The following SREK1 variants were observed in gnomAD, a reference collection of about 807,000 sequenced individuals.
The protein encoded by SREK1 is splicing regulatory glutamic acid and lysine rich protein 1.
A neutral mutation model predicts 66.5 loss-of-function variants in SREK1; 13 were observed. That is an observed-to-expected ratio of 0.20 (90% CI 0.13 to 0.31). The LOEUF (loss-of-function observed/expected upper bound fraction) is 0.31. SREK1 is among the 10% of genes least tolerant of loss of function. The pLI, the probability that SREK1 is intolerant of heterozygous loss-of-function variation, is 1.00. For synonymous variants in SREK1, 265 were observed against 263.5 expected (o/e 1.01, Z -0.05); for missense variants, 607 against 769.6 (o/e 0.79, Z 2.50).
At chr5:66,144,871 C>T in intron 1 of SREK1, 1 of 1,030,856 alleles carries the variant, frequency 9.7e-7, no homozygotes, top group Non-Finnish European at 1.2e-6. Flanking sequence ...CGCAGGTGGG[C>T]CCGGAACAGC....
intron 6 of SREK1, 25 bp from the exon 7 acceptor site, chr5:66,164,758 C>T (rs779275798): frequency 7.4e-6 from 12 of 1,613,642 alleles, no homozygotes; most frequent in Non-Finnish European, 5.9e-6. Flanking sequence ...TGAGCTTACA[C>T]TGCAAAGTGA....
intron 1 of SREK1, chr5:66,145,134 T>G: frequency 1.0e-6 from 1 of 985,532 alleles, no homozygotes; most frequent in Non-Finnish European, 1.2e-6. Context: ...GACAGCAGAT[T>G]AAATTTTCCT....
chr5:66,145,472 T>C (rs764485192), intron 1 of SREK1, among the ~76,000 whole-genome samples: 1 of 152,186 alleles, frequency 6.6e-6, no homozygotes, highest in Non-Finnish European at 1.5e-5. Flanking sequence ...GATTTATTTC[T>C]TTAAAAAAAT....
chr5:66,181,390 T>C lies in SREK1; in HGVS notation c.*2522T>C, dbSNP rs1293412455. On this transcript the variant is annotated 3_prime_UTR_variant, in exon 12 of 12. Coordinates refer to ENST00000334121, the MANE Select transcript of SREK1 (RefSeq NM_001077199.3). ...AGCTCATGTTTTCATTTGTTTATTC[T>C]TTTCTTTCAGGGTATTTTGTTTTTT... 6.6e-6 allele frequency: 1 copy of C among 152,242 alleles called. No individual in the cohort carries two copies. Among genetic ancestry groups the C allele is most frequent in the Non-Finnish European group, 1.5e-5 (1 of 68,036 alleles). The allele number at this position is 152,242 out of a possible 1,614,324, so 9.4% of individuals were successfully genotyped here.
Position 66,179,818 on chromosome 5 carries a change from T to A in SREK1, c.*950T>A, listed in dbSNP as rs1341410263. The stretch of plus-strand genomic sequence containing the variant: ...TTTTATATGTGCTAGTCATTCTCAA[T>A]TCATATGGAATCTAGATGGATATTT... On this transcript the variant is annotated 3_prime_UTR_variant, in exon 12 of 12. Transcript: ENST00000334121. The A allele has an allele frequency of 6.6e-6, 1 of 152,524 alleles. No individual in the cohort carries two copies. The highest frequency in any genetic ancestry group is 2.4e-5 in the African/African-American group (1 of 41,430). 9.4% of individuals were successfully genotyped at this position (152,524 alleles called of 1,614,324 possible). A position where few individuals can be genotyped will look rare whatever the true frequency, so the allele number is the denominator to read the frequency against.
chr5:66,170,739 GAAA>G lies in SREK1; in HGVS notation c.1279_1281del (p.Lys427del). 1 of 1,600,608 alleles carries G rather than the reference GAAA, an allele frequency of 6.2e-7. No homozygotes were observed. The highest frequency in any genetic ancestry group is 8.5e-7 in the Non-Finnish European group (1 of 1,173,064). ...GGACAAGGAACGGGAAAAGGACCGGGAAAAAGACAAGGAAAAGGACAGAGAGAG... is the reference window on the plus strand; with the variant it reads ...GGACAAGGAACGGGAAAAGGACCGGGAAGACAAGGAAAAGGACAGAGAGAG... On this transcript the variant is annotated inframe_deletion, in exon 9 of 12. Transcript: ENST00000334121.
chr5:66,173,050 C>T (rs963497417), intron 9 of SREK1, among the ~76,000 whole-genome samples: 1 of 151,752 alleles, frequency 6.6e-6, no homozygotes, highest in Non-Finnish European at 1.5e-5. Flanking sequence ...CCAGGCTGGT[C>T]TCAAACTCCT....
intron 8 of SREK1, 52 bp downstream of exon 8, chr5:66,170,222 G>A: frequency 6.4e-7 from 1 of 1,559,880 alleles, no homozygotes; most frequent in Non-Finnish European, 8.7e-7. Flanking sequence ...AGTTCTGTTA[G>A]TGCTAAGGGA....
chr5:66,162,634 ATTTAAAGTATTTTTGATGTAATGAAGGC>A, intron 5 of SREK1, 42 bp downstream of exon 5: 1 of 1,531,732 alleles, frequency 6.5e-7, no homozygotes. Context: ...ATTTTGAAAC[ATTTAAAGTATTTTTGATGTAATGAAGGC>A]TTTTTTTTTC....
At chr5:66,165,943 A>G (rs904210166) in intron 7 of SREK1, 2 of 152,190 alleles carry the variant, frequency 1.3e-5, no homozygotes, top group Non-Finnish European at 2.9e-5. Context: ...TCTTTCTTAG[A>G]TTCTAGTAAA....
chr5:66,154,624 A>G (rs1207446063), intron 2 of SREK1, among the ~76,000 whole-genome samples: 1 of 152,192 alleles, frequency 6.6e-6, no homozygotes, highest in Non-Finnish European at 1.5e-5. Flanking sequence ...TTATTTCAGA[A>G]TGCCTGTTCT....
At chr5:66,146,056 C>A (rs557690573) in intron 1 of SREK1, among the ~76,000 whole-genome samples, 1 of 152,060 alleles carries the variant, frequency 6.6e-6, no homozygotes, top group East Asian at 1.9e-4. Flanking sequence ...GAGAATACTG[C>A]ATAAGTGCAC....
chr5:66,150,240 C>A (rs1743669372), intron 1 of SREK1, among the ~76,000 whole-genome samples: 1 of 152,144 alleles, frequency 6.6e-6, no homozygotes, highest in Non-Finnish European at 1.5e-5. Flanking sequence ...CGTGCTAAGG[C>A]CTGTGCCAAA....
Position 66,170,637 on chromosome 5 carries a change from GAGAA to G in SREK1, c.1178_1181del (p.Lys393ThrfsTer74), listed in dbSNP as rs1745555301. The stretch of plus-strand genomic sequence containing the variant: ...GATCAAGGAAAAGGAAAGAGTGAAA[GAGAA>G]AGACAGGGAAAAGGAGAGAGAGAGG... On this transcript the variant is annotated frameshift_variant, in exon 9 of 12. Transcript: ENST00000334121. LOFTEE classifies it high-confidence loss of function. 2 of 1,612,864 alleles carry G rather than the reference GAGAA, an allele frequency of 1.2e-6. No individual in the cohort carries two copies. The highest frequency in any genetic ancestry group is 1.7e-6 in the Non-Finnish European group (2 of 1,179,770).
rs1278591255 is a variant in SREK1, at chr5:66,183,564, A to G, written c.*4696A>G. On this transcript the variant is annotated 3_prime_UTR_variant, in exon 12 of 12. Coordinates refer to ENST00000334121, the MANE Select transcript of SREK1 (RefSeq NM_001077199.3). ...GGTACTAGTAAAGATTTATCAAACA[A>G]TGCTGCTATTATGTTGCTATATTTT... The G allele has an allele frequency of 2.0e-5, 3 of 152,206 alleles. No homozygotes were observed. Among genetic ancestry groups the G allele is most frequent in the African/African-American group, 7.2e-5 (3 of 41,450 alleles). 9.4% of individuals were successfully genotyped at this position (152,206 alleles called of 1,614,324 possible).
At chr5:66,154,565 T>C (rs1350761676) in intron 2 of SREK1, among the ~76,000 whole-genome samples, 1 of 152,226 alleles carries the variant, frequency 6.6e-6, no homozygotes, top group Admixed American at 6.5e-5. Flanking sequence ...CAGGCTGACA[T>C]TAAAATAATA....
intron 8 of SREK1, 75 bp downstream of exon 8, chr5:66,170,245 T>G: frequency 1.4e-6 from 2 of 1,476,450 alleles, no homozygotes; most frequent in Admixed American, 2.3e-5. Context: ...ATATTTTAAT[T>G]GGCTTCATTT....
At chr5:66,151,755 G>C (rs1743836728) in intron 1 of SREK1, among the ~76,000 whole-genome samples, 1 of 151,742 alleles carries the variant, frequency 6.6e-6, no homozygotes, top group South Asian at 2.1e-4. Context: ...GGGTAAGGAG[G>C]GATTTTTGTT....
chr5:66,176,917 C>G (rs1208725190), intron 10 of SREK1, among the ~76,000 whole-genome samples: 1 of 151,776 alleles, frequency 6.6e-6, no homozygotes, highest in African/African-American at 2.4e-5. Context: ...TGTTTATTTG[C>G]TTATAGGTTT....
Sources: allele counts gnomAD v4.1 joint callset (sites outside exome capture counted in the v4.1 genomes callset), GRCh38; gene constraint gnomAD v4.1.1; transcripts MANE v1.5; gene names NCBI Gene and HGNC (gene_info 2026-07-23, HGNC 2026-07-21).